TNFAIP8: variants seen among roughly 807,000 people sequenced by gnomAD.
TNFAIP8 encodes tumor necrosis factor alpha-induced protein 8.
Under a neutral mutation model 13.3 loss-of-function variants are expected in TNFAIP8, and 7 were observed. The ratio of observed to expected loss-of-function variants is 0.52; its 90% CI spans 0.30 to 0.99. The LOEUF is 0.99. Among genes scored for constraint, TNFAIP8 ranks in the 50% least tolerant of loss-of-function variants. The pLI is 0.07. For missense variants in TNFAIP8, 258 were observed against 236.9 expected, an observed-to-expected ratio of 1.09 and a Z score of -0.58; for synonymous variants, 94 against 87.6, an observed-to-expected ratio of 1.07 and a Z score of -0.41.
chr5:119,319,542 ATGT>A (rs1749993803), intron 1 of TNFAIP8, among the ~76,000 whole-genome samples: 1 of 152,172 alleles, frequency 6.6e-6, no homozygotes, highest in African/African-American at 2.4e-5. Context: ...GCGTACACAC[ATGT>A]TGTGGGAGAG....
At chr5:119,311,843 T>C (rs1197764151) in intron 1 of TNFAIP8, among the ~76,000 whole-genome samples, 1 of 152,162 alleles carries the variant, frequency 6.6e-6, no homozygotes, top group Non-Finnish European at 1.5e-5. Flanking sequence ...CTCTGGTTTA[T>C]AGAGTTTGAG....
At chr5:119,294,101 T>A (rs1458663476) in intron 1 of TNFAIP8, among the ~76,000 whole-genome samples, 2 of 152,104 alleles carry the variant, frequency 1.3e-5, no homozygotes, top group African/African-American at 4.8e-5. Flanking sequence ...AGTGTGCAGG[T>A]TAGTTACATA....
At chr5:119,274,853 G>A (rs933788611) in intron 1 of TNFAIP8, among the ~76,000 whole-genome samples, 17 of 152,146 alleles carry the variant, frequency 1.1e-4, no homozygotes, top group African/African-American at 3.4e-4. Context: ...GGGCTCATCT[G>A]GGACTATTCC....
At chr5:119,351,034 GTA>G (rs1751118518), upstream of TNFAIP8, among the ~76,000 whole-genome samples, 1 of 131,190 alleles carries the variant, frequency 7.6e-6, no homozygotes, top group East Asian at 2.0e-4. Flanking sequence ...GTGTGTGTGT[GTA>G]GAGAGAGAGA....
At chr5:119,370,719 G>T (rs925278139) in intron 1 of TNFAIP8, among the ~76,000 whole-genome samples, 1 of 152,164 alleles carries the variant, frequency 6.6e-6, no homozygotes, top group African/African-American at 2.4e-5. Flanking sequence ...TATCCCTAAT[G>T]ATTTAAAAAT....
rs565461312 is a variant in TNFAIP8 at position 119,362,987 on chromosome 5, T to C, written c.31+6866T>C. 3.3e-5 allele frequency among the ~76,000 whole-genome samples: 5 copies of C among 152,210 alleles called. No individual in the cohort carries two copies. The South Asian group carries it at 1.0e-3, about 32-fold the overall frequency. The stretch of plus-strand genomic sequence containing the variant: ...TCACAAAGGGAGAGTTGATTCCCCA[T>C]ATGTAGTCTCTGAGAGCAAGACTGT... On this transcript the variant is annotated intron_variant, in intron 1 of 1. Transcript: ENST00000504771.
intron 1 of TNFAIP8, among the ~76,000 whole-genome samples, chr5:119,358,060 C>G (rs1224334587): frequency 6.6e-6 from 1 of 150,496 alleles, no homozygotes; most frequent in African/African-American, 2.5e-5. Context: ...ACTCAGTTAT[C>G]TTCTCTATCG....
chr5:119,276,740 T>C (rs1383684151), intron 1 of TNFAIP8, among the ~76,000 whole-genome samples: 1 of 152,190 alleles, frequency 6.6e-6, no homozygotes, highest in East Asian at 1.9e-4. Context: ...CCTTATGATC[T>C]TATTTAACCT....
At chr5:119,298,538 C>A (rs1371356712) in intron 1 of TNFAIP8, among the ~76,000 whole-genome samples, 48 of 151,444 alleles carry the variant, frequency 3.2e-4, no homozygotes, top group African/African-American at 1.1e-3. Flanking sequence ...CTGCCCTTAA[C>A]ATTTTTTCCT....
Position 119,395,580 on chromosome 5 carries a change from AG to A in TNFAIP8, c.*2202del, listed in dbSNP as rs1481180488. 1 of 152,276 alleles carries A rather than the reference AG, an allele frequency of 6.6e-6. No individual in the cohort carries two copies. Among genetic ancestry groups the A allele is most frequent in the Non-Finnish European group, 1.5e-5 (1 of 68,106 alleles). 9.4% of individuals were successfully genotyped at this position (152,276 alleles called of 1,614,324 possible). On this transcript the variant is annotated 3_prime_UTR_variant, in exon 2 of 2. Coordinates refer to ENST00000504771, the MANE Select transcript of TNFAIP8 (RefSeq NM_014350.4). ...GGGAGCAATGCTTCATCTCCCACAG[AG>A]GGAAGGCAGTGAGGAGTAGACCGAA... is the stretch of plus-strand genomic sequence containing the variant.
At chr5:119,350,209 G>A (rs1467149687) in intron 1 of TNFAIP8, among the ~76,000 whole-genome samples, 1 of 152,106 alleles carries the variant, frequency 6.6e-6, no homozygotes, top group East Asian at 1.9e-4. Flanking sequence ...ATAATATTCT[G>A]AGGGAAAAAA....
At chr5:119,386,719 C>T (rs189622384) in intron 1 of TNFAIP8, among the ~76,000 whole-genome samples, 14 of 152,286 alleles carry the variant, frequency 9.2e-5, no homozygotes, top group African/African-American at 2.9e-4. Context: ...TGCATATACC[C>T]CAAAATGTGC....
intron 1 of TNFAIP8, among the ~76,000 whole-genome samples, chr5:119,276,212 G>T (rs1163787625): frequency 1.3e-5 from 2 of 151,868 alleles, no homozygotes; most frequent in South Asian, 4.1e-4. Context: ...CTAACTCCCG[G>T]GTTCAAGCGA....
intron 1 of TNFAIP8, among the ~76,000 whole-genome samples, chr5:119,326,083 C>G (rs1032101545): frequency 6.6e-6 from 1 of 152,160 alleles, no homozygotes. Context: ...TGTTTCATTT[C>G]CCATGTCCCC....
chr5:119,334,142 A>AAAAAAAAC (rs1230686275), intron 1 of TNFAIP8, among the ~76,000 whole-genome samples: 2 of 151,410 alleles, frequency 1.3e-5, no homozygotes, highest in African/African-American at 4.9e-5. Flanking sequence ...TAACAACCAA[A>AAAAAAAAC]AAAAAAAAAA....
intron 1 of TNFAIP8, among the ~76,000 whole-genome samples, chr5:119,299,814 C>T (rs976432725): frequency 3.3e-5 from 5 of 152,212 alleles, no homozygotes; most frequent in African/African-American, 7.2e-5. Flanking sequence ...TGGGAAATGG[C>T]GGGCGCCCTT....
chr5:119,327,876 T>C (rs1428395968), intron 1 of TNFAIP8, among the ~76,000 whole-genome samples: 1 of 152,206 alleles, frequency 6.6e-6, no homozygotes, highest in Non-Finnish European at 1.5e-5. Flanking sequence ...ATATAGTAAG[T>C]GGCAGAGATT....
At chr5:119,302,624 A>T (rs1326442518) in intron 1 of TNFAIP8, among the ~76,000 whole-genome samples, 2 of 152,204 alleles carry the variant, frequency 1.3e-5, no homozygotes, top group Non-Finnish European at 2.9e-5. Flanking sequence ...TTCAGTGGAC[A>T]TTTCGTGAGC....
At chr5:119,340,615 T>C (rs1750703466) in intron 1 of TNFAIP8, among the ~76,000 whole-genome samples, 1 of 152,210 alleles carries the variant, frequency 6.6e-6, no homozygotes, top group African/African-American at 2.4e-5. Flanking sequence ...GAGCATTAGC[T>C]TTCCGATTCT....
Sources: allele counts gnomAD v4.1 joint callset (sites outside exome capture counted in the v4.1 genomes callset), GRCh38; gene constraint gnomAD v4.1.1; transcripts MANE v1.5; gene names NCBI Gene and HGNC (gene_info 2026-07-23, HGNC 2026-07-21).